Variants in FGFR2 observed in about 807,000 individuals in gnomAD.
FGFR2 encodes the protein BEK fibroblast growth factor receptor.
FGFR2 carries 19 observed loss-of-function variants against 95.9 expected under a neutral mutation model. The ratio of observed to expected loss-of-function variants is 0.20; its 90% CI spans 0.14 to 0.29. The LOEUF is 0.29. Ranked by LOEUF, FGFR2 falls within the 10% of genes least tolerant of loss-of-function variation. The pLI is 1.00. For missense variants in FGFR2, 707 were observed against 1,056.9 expected (o/e 0.67, Z 4.59); for synonymous variants, 392 against 393.3 (o/e 1.00, Z 0.04).
chr10:121,540,166 C>T (rs1853486563), intron 5 of FGFR2, among the ~76,000 whole-genome samples: 1 of 152,210 alleles, frequency 6.6e-6, no homozygotes, highest in African/African-American at 2.4e-5. Flanking sequence ...AGCCACTTTG[C>T]TGGGCTGCTG....
At chr10:121,556,268 C>T (rs1340546490) in intron 4 of FGFR2, among the ~76,000 whole-genome samples, 1 of 152,188 alleles carries the variant, frequency 6.6e-6, no homozygotes, top group African/African-American at 2.4e-5. Context: ...ATTCTGTCAA[C>T]AAATGGTAGG....
At chr10:121,505,817 C>A (rs1248576808) in intron 9 of FGFR2, among the ~76,000 whole-genome samples, 1 of 152,198 alleles carries the variant, frequency 6.6e-6, no homozygotes, top group Non-Finnish European at 1.5e-5. Flanking sequence ...ATCTCAAGCT[C>A]CACCTACAGA....
In FGFR2 at chr10:121,517,246, A is replaced by G; in HGVS notation, c.1084+73T>C. Reference sequence around the variant, plus strand: ...GATAAAAGGGGCCATTTCTGATAACAGAAGCTGTGTTAATTTTATAGCAGT... The same window carrying G: ...GATAAAAGGGGCCATTTCTGATAACGGAAGCTGTGTTAATTTTATAGCAGT... On this transcript the variant is annotated intron_variant, in intron 8 of 17. Coordinates refer to ENST00000358487, the MANE Select transcript of FGFR2 (RefSeq NM_000141.5). This position sits in a 1 kb window ranked among gnomAD's most constrained non-coding sequence, Gnocchi z 4.7. 1 of 1,497,966 alleles carries G rather than the reference A, an allele frequency of 6.7e-7. No homozygotes were observed. Among genetic ancestry groups the G allele is most frequent in the Non-Finnish European group, 9.3e-7 (1 of 1,074,742 alleles). 92.8% of individuals were successfully genotyped at this position (1,497,966 alleles called of 1,614,324 possible).
chr10:121,486,861 C>T (rs1845480133), intron 15 of FGFR2, among the ~76,000 whole-genome samples: 1 of 152,210 alleles, frequency 6.6e-6, no homozygotes, highest in African/African-American at 2.4e-5. Context: ...GATGCCAAAG[C>T]AAGATCAGAC....
In FGFR2 at chr10:121,518,725, C is replaced by T. The variant is rs1047078; in HGVS notation, c.939+1254G>A. 1 of 1,614,186 alleles carries T rather than the reference C, an allele frequency of 6.2e-7. No homozygotes were observed. The highest frequency in any genetic ancestry group is 8.5e-7 in the Non-Finnish European group (1 of 1,180,028). On this transcript the variant is annotated intron_variant, in intron 7 of 17. Coordinates refer to ENST00000358487, the MANE Select transcript of FGFR2 (RefSeq NM_000141.5). The surrounding 1 kb of genome is among the most constrained non-coding windows in gnomAD (Gnocchi z 4.0). ...CAGTGAGCCAGGCAGACTGGTTGGC[C>T]TGCCCTATATAATTGGAGACCTTAC... is the stretch of plus-strand genomic sequence containing the variant.
intron 10 of FGFR2, among the ~76,000 whole-genome samples, chr10:121,502,640 T>C (rs1847746326): frequency 6.6e-6 from 1 of 152,166 alleles, no homozygotes; most frequent in African/African-American, 2.4e-5. Context: ...CAAATGTGTA[T>C]AGGTACACAT....
intron 4 of FGFR2, among the ~76,000 whole-genome samples, chr10:121,552,551 T>C (rs1264495296): frequency 6.6e-6 from 1 of 152,204 alleles, no homozygotes; most frequent in African/African-American, 2.4e-5. Flanking sequence ...ATCAGTCTGA[T>C]GCCAGAGCCC....
At chr10:121,488,140 ATAAC>A in intron 13 of FGFR2, 27 bp from the exon 14 acceptor site, 1 of 1,609,650 alleles carries the variant, frequency 6.2e-7, no homozygotes, top group Non-Finnish European at 8.5e-7. Flanking sequence ...AGCAAGAGAA[ATAAC>A]TAATTTCAAA....
At chr10:121,496,332 C>T (rs960105725) in intron 13 of FGFR2, among the ~76,000 whole-genome samples, 200 bp downstream of exon 13, 2 of 152,144 alleles carry the variant, frequency 1.3e-5, no homozygotes, top group Admixed American at 6.5e-5. Flanking sequence ...ATCTCTGCAG[C>T]GATGCTATAG....
chr10:121,558,609 TG>T (rs1425179722), intron 4 of FGFR2, among the ~76,000 whole-genome samples: 1 of 150,016 alleles, frequency 6.7e-6, no homozygotes, highest in Admixed American at 6.6e-5. Flanking sequence ...TACAGTTTTT[TG>T]TTTTTTTTTT....
At position 121,517,111 on chromosome 10, in the gene FGFR2, T is replaced by C. The variant is rs1849784922; in HGVS notation, c.1084+208A>G. The C allele has an allele frequency of 6.3e-6, 4 of 633,712 alleles. No individual in the cohort carries two copies. The South Asian group carries it at 7.3e-5, about 12-fold the overall frequency. The allele number at this position is 633,712 out of a possible 1,614,324, so 39.3% of individuals were successfully genotyped here. A position where few individuals can be genotyped will look rare whatever the true frequency, so the allele number is the denominator to read the frequency against. The stretch of plus-strand genomic sequence containing the variant: ...ATCCCTTCAGGTTTTAAGGGTGAAA[T>C]TTCCCTTGATCATAAATGTGAGTGT... On this transcript the variant is annotated intron_variant, in intron 8 of 17. Transcript: ENST00000358487. This position sits in a 1 kb window ranked among gnomAD's most constrained non-coding sequence, Gnocchi z 4.7.
chr10:121,587,325 T>C (rs1289168700), intron 2 of FGFR2, among the ~76,000 whole-genome samples: 1 of 151,946 alleles, frequency 6.6e-6, no homozygotes, highest in Admixed American at 6.6e-5. Context: ...TTAGGCAATA[T>C]ACCATCCTGG....
At chr10:121,494,276 C>CGT (rs1407045485) in intron 13 of FGFR2, among the ~76,000 whole-genome samples, 2 of 152,076 alleles carry the variant, frequency 1.3e-5, no homozygotes, top group African/African-American at 4.8e-5. Context: ...CCCACATTTA[C>CGT]AGTCAATTTC....
At chr10:121,516,132 A>ACATC (rs1849679069) in intron 8 of FGFR2, among the ~76,000 whole-genome samples, 1 of 152,170 alleles carries the variant, frequency 6.6e-6, no homozygotes, top group Non-Finnish European at 1.5e-5. Flanking sequence ...ACTTCTTCTT[A>ACATC]GTCCTCGATG....
At chr10:121,580,395 G>C (rs887611507) in intron 2 of FGFR2, among the ~76,000 whole-genome samples, 4 of 152,294 alleles carry the variant, frequency 2.6e-5, no homozygotes, top group African/African-American at 9.6e-5. Flanking sequence ...CTGGAGACTG[G>C]GAAACAGATG....
intron 17 of FGFR2, 145 bp from the exon 18 acceptor site, chr10:121,480,166 G>A (rs1844492316): frequency 1.1e-6 from 1 of 940,240 alleles, no homozygotes; most frequent in South Asian, 1.3e-5. Flanking sequence ...CTTGAGATGT[G>A]GGTATTGGAC....
intron 10 of FGFR2, 137 bp from the exon 11 acceptor site, chr10:121,501,084 T>C (rs71640260): frequency 1.2e-4 from 149 of 1,205,686 alleles, no homozygotes; most frequent in Non-Finnish European, 1.7e-4. Flanking sequence ...TAATGAGACT[T>C]AGGGTACACA....
chr10:121,485,526 G>A lies in FGFR2; in HGVS notation c.2064C>T (p.Ser688=), dbSNP rs767692675. 2.5e-6 allele frequency: 4 copies of A among 1,613,724 alleles called. No homozygotes were observed. The highest frequency in any genetic ancestry group is 1.3e-5 in the African/African-American group (1 of 74,860). ...AGATCTCCCACATTAACACCCCGAA[G>A]GACCAGCTGCAACAAAAGGAGAAAG... ...RVYTHQSDVW[S]FGVLMWEIFT... is the part of the protein sequence containing the mutation. Residue 688 remains serine, a synonymous_variant, in exon 16 of 18, where the codon TCC becomes TCT. Coordinates refer to ENST00000358487, the MANE Select transcript of FGFR2 (RefSeq NM_000141.5). This position sits in a 1 kb window ranked among gnomAD's most constrained non-coding sequence, Gnocchi z 4.2.
chr10:121,514,640 A>ACCC (rs935636425), intron 9 of FGFR2, among the ~76,000 whole-genome samples: 1 of 152,108 alleles, frequency 6.6e-6, no homozygotes, highest in Non-Finnish European at 1.5e-5. Context: ...GTTCAGATGC[A>ACCC]CCCCCAGGGC....
Sources: allele counts gnomAD v4.1 joint callset (sites outside exome capture counted in the v4.1 genomes callset), GRCh38; gene constraint gnomAD v4.1.1; non-coding constraint Gnocchi (gnomAD v3.1); transcripts MANE v1.5; gene names NCBI Gene and HGNC (gene_info 2026-07-23, HGNC 2026-07-21).